Variants in MTBP observed in about 807,000 individuals in gnomAD.
MTBP encodes MDM2 binding protein, also known as mdm2-binding protein.
A neutral mutation model predicts 117.0 loss-of-function variants in MTBP; 101 were observed. The observed-to-expected ratio is 0.86, with a 90% CI of 0.73 to 1.02. The LOEUF is 1.02. MTBP is among the 50% of genes least tolerant of loss of function. MTBP has a pLI of 0.00. For synonymous variants in MTBP, 350 were observed against 351.5 expected, an observed-to-expected ratio of 1.00 and a Z score of 0.05; for missense variants, 970 against 1,030.9, an observed-to-expected ratio of 0.94 and a Z score of 0.81.
At position 120,497,536 on chromosome 8, in the gene MTBP, A is replaced by G. The variant is rs2130595044; in HGVS notation, c.1591A>G (p.Thr531Ala). The part of the protein sequence containing the change: ...MILRKMDKIK[T>A]FNILNDFSPV... ...TCTAAGAAAGATGGACAAAATTAAA[A>G]CCTTCAATATATTAAATGGTAAGTT... Residue 531 changes from threonine (T) to alanine (A), a missense_variant, in exon 14 of 22, where the codon ACC becomes GCC. Coordinates refer to ENST00000305949, the MANE Select transcript of MTBP (RefSeq NM_022045.5). 6.6e-7 allele frequency: 1 copy of G among 1,522,702 alleles called. No homozygotes were observed. 94.3% of individuals were successfully genotyped at this position (1,522,702 alleles called of 1,614,324 possible). A position where few individuals can be genotyped will look rare whatever the true frequency, so the allele number is the denominator to read the frequency against.
At chr8:120,506,995 TG>T in intron 16 of MTBP, 134 bp downstream of exon 16, 1 of 703,056 alleles carries the variant, frequency 1.4e-6, no homozygotes, top group South Asian at 2.4e-5. Context: ...AATGTTTGTC[TG>T]TTGGCCTTAA....
intron 11 of MTBP, among the ~76,000 whole-genome samples, chr8:120,482,537 A>G (rs567217647): frequency 1.3e-5 from 2 of 152,094 alleles, no homozygotes; most frequent in Non-Finnish European, 2.9e-5. Context: ...CAAATTGTGT[A>G]TTTTATTATA....
At chr8:120,478,333 G>T (rs905046148) in intron 11 of MTBP, among the ~76,000 whole-genome samples, 3 of 151,948 alleles carry the variant, frequency 2.0e-5, no homozygotes, top group African/African-American at 7.3e-5. Flanking sequence ...AAAGCACCAT[G>T]GCACATGTAT....
At chr8:120,502,437 G>A in intron 14 of MTBP, 55 bp from the exon 15 acceptor site, 1 of 1,234,582 alleles carries the variant, frequency 8.1e-7, no homozygotes, top group Non-Finnish European at 1.1e-6. Flanking sequence ...ATTTTTATTA[G>A]CAAAATTCAG....
chr8:120,490,686 AATTATAGAACT>A, intron 13 of MTBP, 116 bp downstream of exon 13: 1 of 609,286 alleles, frequency 1.6e-6, no homozygotes, highest in Non-Finnish European at 2.8e-6. Flanking sequence ...TATGCTACTT[AATTATAGAACT>A]ATTTTTGAAA....
intron 11 of MTBP, among the ~76,000 whole-genome samples, chr8:120,478,333 G>A (rs905046148): frequency 6.6e-6 from 1 of 151,948 alleles, no homozygotes; most frequent in Non-Finnish European, 1.5e-5. Context: ...AAAGCACCAT[G>A]GCACATGTAT....
At position 120,493,786 on chromosome 8, in the gene MTBP, C is replaced by T. The variant is rs182554037; in HGVS notation, c.1447+3216C>T. Among the ~76,000 whole-genome samples the T allele has an allele frequency of 3.7e-4, 56 of 152,164 alleles. 1 individual carries two copies. The highest frequency in any genetic ancestry group is 3.1e-3 in the Admixed American group (48 of 15,266). Reference sequence around the variant, plus strand: ...GATTACAGGAGTGAGCCAACACACCCGGCCAGATTTGAGTATATTTTTAAC... The same window carrying T: ...GATTACAGGAGTGAGCCAACACACCTGGCCAGATTTGAGTATATTTTTAAC... On this transcript the variant is annotated intron_variant, in intron 13 of 21. Coordinates refer to ENST00000305949, the MANE Select transcript of MTBP (RefSeq NM_022045.5).
rs756819760 is a variant in MTBP, at chr8:120,451,427, A to G, written c.425+105A>G. 4.1e-6 allele frequency: 4 copies of G among 981,802 alleles called. No homozygotes were observed. In the Admixed American group the frequency reaches 8.4e-5, roughly 21 times the overall value. 60.8% of individuals were successfully genotyped at this position (981,802 alleles called of 1,614,324 possible). On this transcript the variant is annotated intron_variant, in intron 4 of 21. Coordinates refer to ENST00000305949, the MANE Select transcript of MTBP (RefSeq NM_022045.5). The stretch of plus-strand genomic sequence containing the variant: ...TATATTTTAGCATCTTTACTGAAGA[A>G]ACTCTAGTTAATTGAAATTTTTGAC...
At position 120,481,831 on chromosome 8, in the gene MTBP, G is replaced by A. The variant is rs896601434; in HGVS notation, c.1166-6328G>A. Among the ~76,000 whole-genome samples, 3 of 152,174 alleles carry A rather than the reference G, an allele frequency of 2.0e-5. No individual in the cohort carries two copies. In the South Asian group the frequency reaches 6.2e-4, roughly 32 times the overall value. The stretch of plus-strand genomic sequence containing the variant: ...TTGTTTTTTATAAGGATCACTTTTT[G>A]TAAGAATCATTCGGGTCCTTCAACC... On this transcript the variant is annotated intron_variant, in intron 11 of 21. Transcript: ENST00000305949.
At chr8:120,507,925 A>G (rs1214531715) in intron 16 of MTBP, among the ~76,000 whole-genome samples, 1 of 152,112 alleles carries the variant, frequency 6.6e-6, no homozygotes, top group Non-Finnish European at 1.5e-5. Flanking sequence ...TTAAGCACAA[A>G]CTGGCAGAGT....
chr8:120,516,127 C>G lies in MTBP; in HGVS notation c.2182C>G (p.Arg728Gly). Residue 728 changes from arginine (R) to glycine (G), a missense_variant, in exon 18 of 22, where the codon CGA becomes GGA. Transcript: ENST00000305949. ...CGGAGAAGTTTTACAAAATGAACTT[C>G]GAACTGAAGTATCCCGATTGAAACG... Reference protein sequence around the residue: ...PDGEVLQNELRTEVSRLKRRS... With the variant: ...PDGEVLQNELGTEVSRLKRRS... 1.2e-6 allele frequency: 2 copies of G among 1,612,642 alleles called. No individual in the cohort carries two copies. Among genetic ancestry groups the G allele is most frequent in the Non-Finnish European group, 1.7e-6 (2 of 1,179,018 alleles).
rs1337473735 is a variant in MTBP at position 120,445,490 on chromosome 8, T to G, written c.20T>G (p.Leu7Arg). 1 of 1,613,166 alleles carries G rather than the reference T, an allele frequency of 6.2e-7. No individual in the cohort carries two copies. The highest frequency in any genetic ancestry group is 2.2e-5 in the East Asian group (1 of 44,790). ...GAGGAGATGGATCGGTACCTGCTGC[T>G]GGTGATCTGGGGGGAAGGAAAATTC... MDRYLL[L>R]VIWGEGKFPS... Residue 7 changes from leucine (L) to arginine (R), a missense_variant, in exon 1 of 22, where the codon CTG (leucine) becomes CGG (arginine). Physicochemically the swap from Leu to Arg is moderately radical, Grantham distance 102. Transcript: ENST00000305949.
intron 14 of MTBP, among the ~76,000 whole-genome samples, chr8:120,501,225 G>A (rs1814580207): frequency 6.8e-6 from 1 of 147,420 alleles, no homozygotes; most frequent in Non-Finnish European, 1.5e-5. Context: ...AGCCGGGCGT[G>A]GTGGCGGGCA....
intron 17 of MTBP, among the ~76,000 whole-genome samples, chr8:120,514,323 A>T (rs768422936): frequency 8.6e-5 from 13 of 151,948 alleles, no homozygotes; most frequent in African/African-American, 2.4e-4. Context: ...TATTCATCCT[A>T]CATAACTCTG....
intron 10 of MTBP, among the ~76,000 whole-genome samples, chr8:120,465,039 G>A (rs1468034322): frequency 1.3e-5 from 2 of 152,184 alleles, no homozygotes; most frequent in East Asian, 3.9e-4. Flanking sequence ...GATTAATAAG[G>A]CCATACATTT....
intron 11 of MTBP, among the ~76,000 whole-genome samples, chr8:120,480,811 C>G (rs1372867131): frequency 6.6e-6 from 1 of 152,040 alleles, no homozygotes; most frequent in Non-Finnish European, 1.5e-5. Flanking sequence ...GATAACAAAT[C>G]TATAAATTAG....
At chr8:120,474,935 T>C (rs1217122194) in intron 11 of MTBP, among the ~76,000 whole-genome samples, 2 of 152,098 alleles carry the variant, frequency 1.3e-5, no homozygotes, top group Non-Finnish European at 2.9e-5. Context: ...AAAACAAGTT[T>C]GTGTGTATTT....
intron 11 of MTBP, among the ~76,000 whole-genome samples, chr8:120,486,051 T>C (rs779425307): frequency 1.9e-4 from 29 of 152,222 alleles, no homozygotes; most frequent in Non-Finnish European, 3.5e-4. Flanking sequence ...GGGGCTTAAA[T>C]TGTTCCACAT....
chr8:120,445,640 G>GTT lies in MTBP; in HGVS notation c.118+54_118+55dup, dbSNP rs770118333. ...GAACGGCTTGTGGAGAGGGGAAGAA[G>GTT]TTTGAGTTTTGTGATCAAGTTCTGC... On this transcript the variant is annotated intron_variant, in intron 1 of 21. Coordinates refer to ENST00000305949, the MANE Select transcript of MTBP (RefSeq NM_022045.5). 79 of 1,449,714 alleles carry GTT rather than the reference G, an allele frequency of 5.4e-5. No individual in the cohort carries two copies. In the South Asian group the frequency reaches 9.3e-4, roughly 17 times the overall value. The allele number at this position is 1,449,714 out of a possible 1,614,324, so 89.8% of individuals were successfully genotyped here. A position where few individuals can be genotyped will look rare whatever the true frequency, so the allele number is the denominator to read the frequency against.
Sources: gnomAD v4.1 joint callset for allele counts (sites outside exome capture counted in the v4.1 genomes callset) on GRCh38, gnomAD v4.1.1 for gene constraint, MANE v1.5 for transcripts, NCBI Gene and HGNC (gene_info 2026-07-23, HGNC 2026-07-21) for gene names.